The following PDE5A variants were observed in gnomAD, a reference collection of about 807,000 sequenced individuals.
PDE5A encodes phosphodiesterase 5A.
A neutral mutation model predicts 110.2 loss-of-function variants in PDE5A; 67 were observed. The observed-to-expected ratio is 0.61, with a 90% CI of 0.50 to 0.75. The LOEUF is 0.75. PDE5A is among the 30% of genes least tolerant of loss of function. The probability of loss-of-function intolerance (pLI) is 0.00; values close to 1 mark genes in which losing one functional copy is unlikely to be tolerated. For synonymous variants in PDE5A, 328 were observed against 351.2 expected (o/e 0.93, Z 0.74); for missense variants, 862 against 1,045.1 (o/e 0.82, Z 2.42).
chr4:119,545,185 C>G (rs1175510507), intron 9 of PDE5A, among the ~76,000 whole-genome samples: 1 of 152,096 alleles, frequency 6.6e-6, no homozygotes, highest in Middle Eastern at 3.4e-3. Context: ...TTCTATCAAG[C>G]AAAAATACCC....
In PDE5A at chr4:119,622,877, AG is replaced by A. The variant is rs67605742; in HGVS notation, c.152+5642del. ...ATACTCCGTCTCGAAAAAAAAAAAA[AG>A]AAAGAAAGAAAAAAAAAGCTTTAAA... is the stretch of plus-strand genomic sequence containing the variant. On this transcript the variant is annotated intron_variant, in intron 1 of 20. Transcript: ENST00000354960. Among the ~76,000 whole-genome samples, 277 of 147,638 alleles carry A rather than the reference AG, an allele frequency of 1.9e-3. 19 individuals carry two copies. The highest frequency in any genetic ancestry group is 5.6e-3 in the African/African-American group (225 of 40,492).
chr4:119,613,028 T>A (rs1729811817), intron 1 of PDE5A, among the ~76,000 whole-genome samples: 1 of 152,226 alleles, frequency 6.6e-6, no homozygotes, highest in South Asian at 2.1e-4. Flanking sequence ...CAAATAATTA[T>A]ATTCTGAATT....
At chr4:119,542,423 G>T in intron 10 of PDE5A, 36 bp downstream of exon 10, 2 of 1,595,218 alleles carry the variant, frequency 1.3e-6, no homozygotes, top group Non-Finnish European at 1.7e-6. Context: ...TGAGGGTTTG[G>T]CTGTACAGTG....
At chr4:119,505,822 A>T (rs1331096628) in intron 17 of PDE5A, 33 bp downstream of exon 17, 1 of 1,264,088 alleles carries the variant, frequency 7.9e-7, no homozygotes, top group African/African-American at 1.5e-5. Context: ...CTGGGTAAAA[A>T]ACTTCAGCTT....
intron 14 of PDE5A, among the ~76,000 whole-genome samples, chr4:119,517,596 C>CT (rs1725959490): frequency 7.9e-6 from 1 of 126,644 alleles, no homozygotes. Context: ...TTTTCTTTTT[C>CT]TTTTTCTTTC....
chr4:119,506,004 T>C (rs536969555), intron 16 of PDE5A, 72 bp from the exon 17 acceptor site: 1 of 740,026 alleles, frequency 1.4e-6, no homozygotes. Context: ...CCACAAAGAC[T>C]CATGGACTAA....
chr4:119,510,411 A>C (rs1039367640), intron 15 of PDE5A, among the ~76,000 whole-genome samples: 1 of 151,990 alleles, frequency 6.6e-6, no homozygotes, highest in African/African-American at 2.4e-5. Flanking sequence ...ATTTTTTCTT[A>C]TTATTAAGGT....
chr4:119,559,243 C>A (rs1470030425), intron 7 of PDE5A, among the ~76,000 whole-genome samples: 2 of 152,006 alleles, frequency 1.3e-5, no homozygotes, highest in Non-Finnish European at 1.5e-5. Context: ...GTAGAGGTCA[C>A]TATCACACCA....
intron 3 of PDE5A, among the ~76,000 whole-genome samples, chr4:119,578,132 G>A (rs1728436908): frequency 6.6e-6 from 1 of 152,100 alleles, no homozygotes; most frequent in Non-Finnish European, 1.5e-5. Flanking sequence ...ACTTACAAGG[G>A]ATGTGAAGGA....
In PDE5A at chr4:119,627,938, A is replaced by G; in HGVS notation, c.152+582T>C. On this transcript the variant is annotated intron_variant, in intron 1 of 20. Transcript: ENST00000354960. This position sits in a 1 kb window ranked among gnomAD's most constrained non-coding sequence, Gnocchi z 4.6. ...AGCCTTCGGCGGAAAAGCGAGTGAA[A>G]GGAGGCGCGCGGGACAAGCAGGAGA... is the stretch of plus-strand genomic sequence containing the variant. The G allele has an allele frequency of 1.8e-6, 1 of 544,684 alleles. No homozygotes were observed. Among genetic ancestry groups the G allele is most frequent in the Non-Finnish European group, 2.3e-6 (1 of 426,638 alleles). 33.7% of individuals were successfully genotyped at this position (544,684 alleles called of 1,614,324 possible).
rs1471651840 is a variant in PDE5A at position 119,542,486 on chromosome 4, G to T, written c.1545C>A (p.Ala515=). The T allele has an allele frequency of 6.2e-7, 1 of 1,613,838 alleles. No homozygotes were observed. Among genetic ancestry groups the T allele is most frequent in the East Asian group, 2.2e-5 (1 of 44,864 alleles). The change falls in exon 10 of 21, where the codon GCC becomes GCA. Residue 515 remains alanine (A), a synonymous_variant. Transcript: ENST00000354960. ...NTQMYEAVER[A]MAKQMVTLEV... is the part of the protein sequence containing the mutation. ...CCAATGTGACCATTTGCTTGGCCATGGCTCTCTCCACTGCTTCATACATCT... is the reference window on the plus strand; with the variant it reads ...CCAATGTGACCATTTGCTTGGCCATTGCTCTCTCCACTGCTTCATACATCT...
At chr4:119,577,594 T>C (rs1728405682) in intron 3 of PDE5A, among the ~76,000 whole-genome samples, 1 of 152,214 alleles carries the variant, frequency 6.6e-6, no homozygotes, top group Non-Finnish European at 1.5e-5. Context: ...ACCATATGAT[T>C]ATCTCAATAG....
chr4:119,570,513 T>C (rs1006204854), intron 3 of PDE5A, among the ~76,000 whole-genome samples: 8 of 152,202 alleles, frequency 5.3e-5, no homozygotes, highest in African/African-American at 1.9e-4. Flanking sequence ...ACAGCACAAA[T>C]GGATGTTATG....
In PDE5A at chr4:119,496,828, A is replaced by G. The variant is rs937771605; in HGVS notation, c.*1773T>C. ...AAATTTTATCTGTATGGCAAAAAAA[A>G]TAAAATATCCTGAAAATACAAGTAT... is the stretch of plus-strand genomic sequence containing the variant. On this transcript the variant is annotated 3_prime_UTR_variant, in exon 21 of 21. Coordinates refer to ENST00000354960, the MANE Select transcript of PDE5A (RefSeq NM_001083.4). 2 of 152,574 alleles carry G rather than the reference A, an allele frequency of 1.3e-5. No homozygotes were observed. Among genetic ancestry groups the G allele is most frequent in the African/African-American group, 4.8e-5 (2 of 41,450 alleles). The allele number at this position is 152,574 out of a possible 1,614,324, so 9.5% of individuals were successfully genotyped here.
chr4:119,558,713 T>C (rs1727627741), intron 7 of PDE5A, among the ~76,000 whole-genome samples: 1 of 152,024 alleles, frequency 6.6e-6, no homozygotes. Flanking sequence ...AAAAGCTAAC[T>C]TTACCATCCC....
chr4:119,524,858 C>T (rs1006622919), intron 12 of PDE5A, among the ~76,000 whole-genome samples: 16 of 151,962 alleles, frequency 1.1e-4, no homozygotes, highest in South Asian at 4.1e-4. Context: ...TATGAAACAA[C>T]GGAATTCCCT....
Position 119,627,939 on chromosome 4 carries a change from G to T in PDE5A, c.152+581C>A. Reference sequence around the variant, plus strand: ...GCCTTCGGCGGAAAAGCGAGTGAAAGGAGGCGCGCGGGACAAGCAGGAGAC... The same window carrying T: ...GCCTTCGGCGGAAAAGCGAGTGAAATGAGGCGCGCGGGACAAGCAGGAGAC... On this transcript the variant is annotated intron_variant, in intron 1 of 20. Coordinates refer to ENST00000354960, the MANE Select transcript of PDE5A (RefSeq NM_001083.4). The surrounding 1 kb of genome is among the most constrained non-coding windows in gnomAD (Gnocchi z 4.6). 1.8e-6 allele frequency: 1 copy of T among 553,330 alleles called. No homozygotes were observed. Among genetic ancestry groups the T allele is most frequent in the Non-Finnish European group, 2.3e-6 (1 of 434,420 alleles). 34.3% of individuals were successfully genotyped at this position (553,330 alleles called of 1,614,324 possible). A position where few individuals can be genotyped will look rare whatever the true frequency, so the allele number is the denominator to read the frequency against.
Position 119,498,364 on chromosome 4 carries a change from T to C in PDE5A, c.*237A>G. On this transcript the variant is annotated 3_prime_UTR_variant, in exon 21 of 21. Coordinates refer to ENST00000354960, the MANE Select transcript of PDE5A (RefSeq NM_001083.4). Reference sequence around the variant, plus strand: ...ACAAACAATGCTTTTATCAATGTGCTAACAGTGGATGTTGTTGATCCTTTC... The same window carrying C: ...ACAAACAATGCTTTTATCAATGTGCCAACAGTGGATGTTGTTGATCCTTTC... 1 of 460,266 alleles carries C rather than the reference T, an allele frequency of 2.2e-6. No individual in the cohort carries two copies. Among genetic ancestry groups the C allele is most frequent in the Non-Finnish European group, 3.9e-6 (1 of 256,738 alleles). 28.5% of individuals were successfully genotyped at this position (460,266 alleles called of 1,614,324 possible).
chr4:119,599,362 A>G (rs1222022323), intron 2 of PDE5A, among the ~76,000 whole-genome samples: 1 of 152,178 alleles, frequency 6.6e-6, no homozygotes, highest in East Asian at 1.9e-4. Context: ...AATGACCCCA[A>G]GATGATTCAC....
Sources: allele counts gnomAD v4.1 joint callset (sites outside exome capture counted in the v4.1 genomes callset), GRCh38; gene constraint gnomAD v4.1.1; non-coding constraint Gnocchi (gnomAD v3.1); transcripts MANE v1.5; gene names NCBI Gene and HGNC (gene_info 2026-07-23, HGNC 2026-07-21).